MVB12B: variants seen among roughly 807,000 people sequenced by gnomAD.
MVB12B encodes the protein ESCRT-I complex subunit MVB12B.
In MVB12B, 16 loss-of-function variants were observed where a neutral mutation model predicts 41.6. The ratio of observed to expected loss-of-function variants is 0.38; its 90% CI spans 0.26 to 0.58. The LOEUF is 0.58. MVB12B is among the 20% of genes least tolerant of loss of function. The pLI is 0.62. For synonymous variants in MVB12B, 133 were observed against 139.7 expected (o/e 0.95, Z 0.34); for missense variants, 274 against 380.2 (o/e 0.72, Z 2.32).
At chr9:126,390,222 C>G (rs1830908156) in intron 4 of MVB12B, among the ~76,000 whole-genome samples, 1 of 152,224 alleles carries the variant, frequency 6.6e-6, no homozygotes, top group South Asian at 2.1e-4. Context: ...CACAGCTGTT[C>G]TTTACTGAGC....
Position 126,381,000 on chromosome 9 carries a change from C to G in MVB12B, c.205-64C>G, listed in dbSNP as rs1218551401. ...TTGGAACAGGCGTGGAAGAAGTGGC[C>G]CACGCGCACCTTCAGTTCCTTCCTG... On this transcript the variant is annotated intron_variant, in intron 2 of 9. Coordinates refer to ENST00000361171, the MANE Select transcript of MVB12B (RefSeq NM_033446.3). 4 of 1,292,094 alleles carry G rather than the reference C, an allele frequency of 3.1e-6. No homozygotes were observed. The African/African-American group carries it at 4.4e-5, about 14-fold the overall frequency. 80.0% of individuals were successfully genotyped at this position (1,292,094 alleles called of 1,614,324 possible). A position where few individuals can be genotyped will look rare whatever the true frequency, so the allele number is the denominator to read the frequency against.
intron 6 of MVB12B, among the ~76,000 whole-genome samples, chr9:126,410,625 C>G (rs1360500372): frequency 2.6e-5 from 4 of 152,174 alleles, no homozygotes; most frequent in Admixed American, 6.5e-5. Flanking sequence ...AAAGCCCCTC[C>G]CAGCCATGCA....
At chr9:126,425,684 A>G (rs1041220346) in intron 7 of MVB12B, among the ~76,000 whole-genome samples, 1 of 152,214 alleles carries the variant, frequency 6.6e-6, no homozygotes, top group Non-Finnish European at 1.5e-5. Context: ...CACTGTCTGT[A>G]ATTCCAGCAC....
intron 4 of MVB12B, among the ~76,000 whole-genome samples, chr9:126,387,950 A>G (rs148714243): frequency 4.8e-4 from 73 of 152,360 alleles, no homozygotes; most frequent in African/African-American, 1.3e-3. Context: ...ACGGCGGCAC[A>G]CTGGAAGAGC....
intron 2 of MVB12B, among the ~76,000 whole-genome samples, chr9:126,345,803 G>C (rs1343259376): frequency 6.6e-6 from 1 of 152,278 alleles, no homozygotes; most frequent in Non-Finnish European, 1.5e-5. Flanking sequence ...TTTCTGAAAT[G>C]CCTATACCCA....
chr9:126,477,167 G>A (rs1833439530), intron 7 of MVB12B, among the ~76,000 whole-genome samples: 1 of 152,126 alleles, frequency 6.6e-6, no homozygotes, highest in African/African-American at 2.4e-5. Flanking sequence ...GGCCAGAGCA[G>A]GAGTGAGAGA....
intron 1 of MVB12B, among the ~76,000 whole-genome samples, chr9:126,339,518 C>G (rs1490570401): frequency 6.6e-6 from 1 of 152,208 alleles, no homozygotes; most frequent in Non-Finnish European, 1.5e-5. Flanking sequence ...ACCCAGTGCT[C>G]TCTATATTCT....
At chr9:126,476,640 G>T (rs931458764) in intron 7 of MVB12B, among the ~76,000 whole-genome samples, 2 of 152,160 alleles carry the variant, frequency 1.3e-5, no homozygotes, top group Admixed American at 6.5e-5. Flanking sequence ...ACTTTGGGAG[G>T]CTGAGGCGGG....
Position 126,486,430 on chromosome 9 carries a change from C to G in MVB12B, c.873+2398C>G, listed in dbSNP as rs914367493. Among the ~76,000 whole-genome samples the G allele has an allele frequency of 6.6e-6, 1 of 152,184 alleles. No homozygotes were observed. The highest frequency in any genetic ancestry group is 6.5e-5 in the Admixed American group (1 of 15,290). ...CCAGGGCAGAGGTTACACTGACATA[C>G]CTCCAGACCAGCCCGCTCCACTGTG... On this transcript the variant is annotated intron_variant, in intron 9 of 9. Transcript: ENST00000361171. The surrounding 1 kb of genome is among the most constrained non-coding windows in gnomAD (Gnocchi z 4.7).
intron 2 of MVB12B, among the ~76,000 whole-genome samples, chr9:126,372,681 A>AT (rs1300676128): frequency 6.6e-6 from 1 of 152,118 alleles, no homozygotes; most frequent in Non-Finnish European, 1.5e-5. Context: ...TTCTATTGTC[A>AT]TTTTTAGGTG....
chr9:126,437,632 A>G (rs965676252), intron 7 of MVB12B, among the ~76,000 whole-genome samples: 4 of 152,344 alleles, frequency 2.6e-5, no homozygotes, highest in African/African-American at 4.8e-5. Context: ...GCATATATTA[A>G]TCTCTTCTTT....
chr9:126,439,166 C>T (rs1047782800), intron 7 of MVB12B, among the ~76,000 whole-genome samples: 23 of 152,038 alleles, frequency 1.5e-4, no homozygotes, highest in Non-Finnish European at 3.1e-4. Context: ...AGCAGGCCTG[C>T]GTTGATGCCT....
chr9:126,444,584 G>A (rs1832719398), intron 7 of MVB12B, among the ~76,000 whole-genome samples: 2 of 152,062 alleles, frequency 1.3e-5, no homozygotes, highest in South Asian at 4.2e-4. Flanking sequence ...GCCTTCTTTT[G>A]CTCTCACATT....
intron 2 of MVB12B, among the ~76,000 whole-genome samples, chr9:126,346,255 C>T (rs1451503180): frequency 2.6e-5 from 4 of 152,142 alleles, no homozygotes; most frequent in Non-Finnish European, 4.4e-5. Context: ...CTAGAGCCTG[C>T]GCCAGGCTAT....
At chr9:126,396,542 G>C (rs1458675375) in intron 6 of MVB12B, 8 of 985,394 alleles carry the variant, frequency 8.1e-6, no homozygotes, top group Non-Finnish European at 9.6e-6. Flanking sequence ...AGAGTCACCA[G>C]TAGGTCTTCC....
chr9:126,500,169 A>AC (rs906736946), intron 9 of MVB12B, among the ~76,000 whole-genome samples: 3 of 150,740 alleles, frequency 2.0e-5, no homozygotes, highest in Non-Finnish European at 3.0e-5. Flanking sequence ...ACTCCCTGCC[A>AC]CCCCCAGGAA....
chr9:126,328,028 C>G (rs994781162), intron 1 of MVB12B, among the ~76,000 whole-genome samples: 1 of 152,152 alleles, frequency 6.6e-6, no homozygotes, highest in Non-Finnish European at 1.5e-5. Context: ...GATCTCATCT[C>G]GTTTTAACAG....
chr9:126,475,743 A>T (rs115319440), intron 7 of MVB12B, among the ~76,000 whole-genome samples: 2,161 of 152,174 alleles, frequency 0.014, 60 homozygotes, highest in African/African-American at 0.05. Context: ...TTTCTAGGCC[A>T]TGTGTGGTGG....
At chr9:126,432,968 G>A (rs1832368798) in intron 7 of MVB12B, among the ~76,000 whole-genome samples, 1 of 152,178 alleles carries the variant, frequency 6.6e-6, no homozygotes, top group South Asian at 2.1e-4. Flanking sequence ...TCATCAGAGT[G>A]AGGCCTTTGA....
Sources: allele counts gnomAD v4.1 joint callset (sites outside exome capture counted in the v4.1 genomes callset), GRCh38; gene constraint gnomAD v4.1.1; non-coding constraint Gnocchi (gnomAD v3.1); transcripts MANE v1.5; gene names NCBI Gene and HGNC (gene_info 2026-07-23, HGNC 2026-07-21).